The following SMYD3 variants were observed in gnomAD, a reference collection of about 807,000 sequenced individuals.
SMYD3 encodes histone-lysine N-methyltransferase SMYD3.
In SMYD3, 36 loss-of-function variants were observed where a neutral mutation model predicts 57.7. The ratio of observed to expected loss-of-function variants is 0.62; its 90% confidence interval spans 0.48 to 0.82. The LOEUF is 0.82. Among genes scored for constraint, SMYD3 ranks in the 40% least tolerant of loss-of-function variants. SMYD3 has a pLI of 0.00. For missense variants in SMYD3, 515 were observed against 538.8 expected (o/e 0.96, Z 0.44); for synonymous variants, 211 against 195.0 (o/e 1.08, Z -0.68).
intron 5 of SMYD3, among the ~76,000 whole-genome samples, chr1:246,274,172 A>G (rs2064284879): frequency 6.6e-6 from 1 of 152,190 alleles, no homozygotes; most frequent in Admixed American, 6.5e-5. Context: ...CTGAAAGCAT[A>G]TTATTCTTTC....
intron 5 of SMYD3, among the ~76,000 whole-genome samples, chr1:246,209,591 A>G (rs74978652): frequency 0.39 from 59,350 of 151,510 alleles, 12,769 homozygotes; most frequent in East Asian, 0.79. Context: ...GTAAAAAAAA[A>G]AAAAGGTAAC....
intron 10 of SMYD3, among the ~76,000 whole-genome samples, chr1:245,775,697 A>G (rs1167306018): frequency 1.3e-5 from 2 of 149,550 alleles, no homozygotes; most frequent in Non-Finnish European, 2.9e-5. Flanking sequence ...GAAACACCCA[A>G]GAATGATCAA....
chr1:245,958,849 A>G (rs2057923824), intron 5 of SMYD3, among the ~76,000 whole-genome samples: 1 of 152,188 alleles, frequency 6.6e-6, no homozygotes, highest in African/African-American at 2.4e-5. Flanking sequence ...TATCTCATGA[A>G]CCAGTATTTA....
chr1:246,021,643 T>C (rs1054760969), intron 5 of SMYD3, among the ~76,000 whole-genome samples: 1 of 152,304 alleles, frequency 6.6e-6, no homozygotes, highest in Non-Finnish European at 1.5e-5. Flanking sequence ...ATTATATTAT[T>C]GATCAGCCTC....
At chr1:246,411,621 T>A (rs1286841392) in intron 1 of SMYD3, among the ~76,000 whole-genome samples, 4 of 152,050 alleles carry the variant, frequency 2.6e-5, no homozygotes, top group Non-Finnish European at 4.4e-5. Context: ...GTGGCACATA[T>A]ACACCATGGA....
intron 1 of SMYD3, among the ~76,000 whole-genome samples, chr1:246,423,870 C>T (rs2067181963): frequency 6.6e-6 from 1 of 151,920 alleles, no homozygotes; most frequent in African/African-American, 2.4e-5. Context: ...GAAGTTTCCC[C>T]CAGAAACAGT....
At chr1:246,433,027 ACT>A (rs1290831869) in intron 1 of SMYD3, among the ~76,000 whole-genome samples, 1 of 152,116 alleles carries the variant, frequency 6.6e-6, no homozygotes, top group Non-Finnish European at 1.5e-5. Context: ...AAGAAGTCAA[ACT>A]CTCTCTCTTT....
intron 1 of SMYD3, among the ~76,000 whole-genome samples, chr1:246,374,210 C>T (rs2066234871): frequency 6.6e-6 from 1 of 152,180 alleles, no homozygotes; most frequent in South Asian, 2.1e-4. Context: ...AGCCATGTGG[C>T]CCGGTTTTGG....
intron 5 of SMYD3, among the ~76,000 whole-genome samples, chr1:246,055,628 G>A (rs1465642480): frequency 1.3e-5 from 2 of 152,090 alleles, no homozygotes; most frequent in Non-Finnish European, 2.9e-5. Context: ...GATGAATGGA[G>A]AAATCAAATG....
chr1:246,269,868 C>T (rs1437911466), intron 5 of SMYD3, among the ~76,000 whole-genome samples: 3 of 152,146 alleles, frequency 2.0e-5, no homozygotes, highest in Admixed American at 6.5e-5. Context: ...CCACCACACC[C>T]AGCGGTCAAG....
At chr1:245,915,500 G>T in intron 8 of SMYD3, 30 bp downstream of exon 8, 1 of 1,398,910 alleles carries the variant, frequency 7.1e-7, no homozygotes, top group Non-Finnish European at 1.0e-6. Flanking sequence ...TTGCCGTGGA[G>T]GTGTTTCAAT....
At chr1:246,169,471 T>A (rs1373331116) in intron 5 of SMYD3, among the ~76,000 whole-genome samples, 2 of 149,382 alleles carry the variant, frequency 1.3e-5, no homozygotes, top group African/African-American at 5.0e-5. Flanking sequence ...CAAAATAATG[T>A]TCCTGGAGTA....
chr1:246,138,296 T>C (rs1170680023), intron 5 of SMYD3, among the ~76,000 whole-genome samples: 1 of 152,066 alleles, frequency 6.6e-6, no homozygotes, highest in Non-Finnish European at 1.5e-5. Flanking sequence ...ATTAAAACAG[T>C]TGTTTTCATA....
At chr1:246,288,626 C>T (rs12057398) in intron 5 of SMYD3, among the ~76,000 whole-genome samples, 15,064 of 151,982 alleles carry the variant, frequency 0.099, 1,437 homozygotes, top group African/African-American at 0.24. Context: ...GCTCCCATTG[C>T]CATGGAAGGA....
At chr1:245,955,553 TC>T (rs1025691162) in intron 5 of SMYD3, among the ~76,000 whole-genome samples, 5 of 152,230 alleles carry the variant, frequency 3.3e-5, no homozygotes, top group African/African-American at 1.2e-4. Flanking sequence ...CAAGAAACTT[TC>T]CTACATCCAA....
chr1:246,096,634 A>T (rs1440603215), intron 5 of SMYD3, among the ~76,000 whole-genome samples: 1 of 152,230 alleles, frequency 6.6e-6, no homozygotes, highest in African/African-American at 2.4e-5. Flanking sequence ...GGGAGCCTAA[A>T]CACAAAGACC....
intron 5 of SMYD3, among the ~76,000 whole-genome samples, chr1:246,224,351 GCT>G (rs1338588801): frequency 2.0e-5 from 3 of 152,136 alleles, no homozygotes; most frequent in Non-Finnish European, 4.4e-5. Flanking sequence ...AACTGCAAGG[GCT>G]CTGTTTGATA....
At chr1:246,244,507 C>T (rs2063670690) in intron 5 of SMYD3, among the ~76,000 whole-genome samples, 1 of 152,090 alleles carries the variant, frequency 6.6e-6, no homozygotes, top group Admixed American at 6.6e-5. Flanking sequence ...ATACTATAAG[C>T]ACTTATTATA....
Position 246,271,138 on chromosome 1 carries a change from C to T in SMYD3, c.531+56063G>A, listed in dbSNP as rs891713663. ...GAAAAATGTCTACTTAAGTCCTTTG[C>T]CCATTTTAAAATCATGTTGCTTTTC... On this transcript the variant is annotated intron_variant, in intron 5 of 11. Transcript: ENST00000490107. 2.6e-5 allele frequency among the ~76,000 whole-genome samples: 4 copies of T among 152,112 alleles called. 1 individual carries two copies. Among genetic ancestry groups the T allele is most frequent in the African/African-American group, 2.4e-5 (1 of 41,416 alleles).
Sources: allele counts gnomAD v4.1 joint callset (sites outside exome capture counted in the v4.1 genomes callset), GRCh38; gene constraint gnomAD v4.1.1; transcripts MANE v1.5; gene names NCBI Gene and HGNC (gene_info 2026-07-23, HGNC 2026-07-21).